The following PRR16 variants were observed in gnomAD, a reference collection of about 807,000 sequenced individuals.
The protein encoded by PRR16 is proline rich 16.
In PRR16, 6 loss-of-function variants were observed where a neutral mutation model predicts 18.2. The observed-to-expected ratio is 0.33, with a 90% confidence interval of 0.18 to 0.65. The LOEUF is 0.65. PRR16 is among the 30% of genes least tolerant of loss of function. The pLI is 0.74. For missense variants in PRR16, 412 were observed against 376.6 expected (o/e 1.09, Z -0.78); for synonymous variants, 151 against 147.8 (o/e 1.02, Z -0.16).
chr5:120,696,574 G>A, the PRR16 span, among the ~76,000 whole-genome samples: 1 of 152,180 alleles, frequency 6.6e-6, no homozygotes, highest in Non-Finnish European at 1.5e-5. Flanking sequence ...CACATGCACA[G>A]AAATGTAAGT....
At chr5:120,641,438 G>A (rs1755419630) in intron 1 of PRR16, among the ~76,000 whole-genome samples, 1 of 151,996 alleles carries the variant, frequency 6.6e-6, no homozygotes, top group South Asian at 2.1e-4. Context: ...CATAGGAAAG[G>A]GAAGAAAATA....
intron 1 of PRR16, among the ~76,000 whole-genome samples, chr5:120,593,304 A>G (rs1424545146): frequency 6.6e-6 from 1 of 152,026 alleles, no homozygotes; most frequent in East Asian, 1.9e-4. Flanking sequence ...CACAATTACA[A>G]ATGGCAAAGG....
the PRR16 span, among the ~76,000 whole-genome samples, chr5:120,794,154 C>G: frequency 6.6e-6 from 1 of 152,060 alleles, no homozygotes; most frequent in Non-Finnish European, 1.5e-5. Context: ...TTTACTTGCA[C>G]TGCCAAAACA....
At chr5:120,704,429 T>A in the PRR16 span, among the ~76,000 whole-genome samples, 2 of 152,154 alleles carry the variant, frequency 1.3e-5, no homozygotes, top group Non-Finnish European at 2.9e-5. Flanking sequence ...TTTTGTACTA[T>A]TTGCACCAAA....
intron 1 of PRR16, among the ~76,000 whole-genome samples, chr5:120,537,560 CG>C (rs1246358164): frequency 1.8e-5 from 2 of 110,322 alleles, no homozygotes; most frequent in East Asian, 6.5e-4. Flanking sequence ...AAGCTTCCCC[CG>C]CCCCCGACCC....
At chr5:120,644,693 T>G (rs746730062) in intron 1 of PRR16, among the ~76,000 whole-genome samples, 5 of 152,156 alleles carry the variant, frequency 3.3e-5, no homozygotes, top group Non-Finnish European at 5.9e-5. Context: ...GTCATGATTC[T>G]TCATTTGACA....
chr5:120,758,686 T>G, the PRR16 span, among the ~76,000 whole-genome samples: 1 of 152,052 alleles, frequency 6.6e-6, no homozygotes, highest in African/African-American at 2.4e-5. Context: ...AGACGTGCCT[T>G]GCTTCCCCTT....
intron 1 of PRR16, among the ~76,000 whole-genome samples, chr5:120,590,867 T>C (rs1481105826): frequency 6.6e-6 from 1 of 152,204 alleles, no homozygotes; most frequent in Non-Finnish European, 1.5e-5. Context: ...TTACTCATAA[T>C]TGTTCACCAC....
the PRR16 span, among the ~76,000 whole-genome samples, chr5:120,709,986 T>C: frequency 1.3e-5 from 2 of 152,202 alleles, no homozygotes; most frequent in African/African-American, 4.8e-5. Context: ...TTTGGATATA[T>C]AACCACCAGT....
intron 1 of PRR16, among the ~76,000 whole-genome samples, chr5:120,589,996 A>T (rs747879451): frequency 6.6e-6 from 1 of 152,106 alleles, no homozygotes. Flanking sequence ...TCCCTACTCA[A>T]AAGATTTCTA....
intron 1 of PRR16, among the ~76,000 whole-genome samples, chr5:120,548,067 A>T (rs538794240): frequency 7.9e-5 from 12 of 152,196 alleles, no homozygotes; most frequent in Admixed American, 5.9e-4. Flanking sequence ...CTAAAGAGAT[A>T]CTGAGGACAG....
the PRR16 span, among the ~76,000 whole-genome samples, chr5:120,696,427 CAT>C: frequency 7.2e-5 from 11 of 152,226 alleles, no homozygotes; most frequent in African/African-American, 2.2e-4. Flanking sequence ...TAACAAGAAA[CAT>C]ATAGTTTCTT....
At chr5:120,495,495 T>A (rs73264171) in intron 1 of PRR16, among the ~76,000 whole-genome samples, 2,021 of 152,234 alleles carry the variant, frequency 0.013, 17 homozygotes, top group Middle Eastern at 0.11. Context: ...ACAATATCAC[T>A]TCATTCATGT....
Position 120,464,601 on chromosome 5 carries a change from T to A in PRR16, c.115T>A (p.Leu39Ile). 1.3e-6 allele frequency: 2 copies of A among 1,580,368 alleles called. No individual in the cohort carries two copies. Among genetic ancestry groups the A allele is most frequent in the Non-Finnish European group, 1.7e-6 (2 of 1,171,294 alleles). ...CAAGATCATCGTGGAGGATTTGGAA[T>A]TAGTCCTGGGCGACCTGAAGGACGT... ...QIKIIVEDLE[L>I]VLGDLKDVAK... Residue 39 changes from leucine to isoleucine, a missense_variant, in exon 1 of 2, where the codon TTA (leucine) becomes ATA (isoleucine). Transcript: ENST00000407149.
the PRR16 span, among the ~76,000 whole-genome samples, chr5:120,770,081 T>A: frequency 3.9e-4 from 60 of 152,054 alleles, no homozygotes; most frequent in African/African-American, 1.4e-3. Flanking sequence ...TACATTTTTA[T>A]AAAGTAAAGA....
intron 1 of PRR16, among the ~76,000 whole-genome samples, chr5:120,585,388 T>TAA (rs1179207867): frequency 3.9e-5 from 6 of 152,032 alleles, no homozygotes; most frequent in Non-Finnish European, 8.8e-5. Context: ...GATGGGCAGG[T>TAA]CACTTGAGGT....
At chr5:120,585,497 G>A (rs1753410600) in intron 1 of PRR16, among the ~76,000 whole-genome samples, 1 of 151,832 alleles carries the variant, frequency 6.6e-6, no homozygotes, top group Non-Finnish European at 1.5e-5. Flanking sequence ...GCAAGTGCCT[G>A]TAATCCAGCT....
At chr5:120,679,005 T>C (rs1756891306) in intron 1 of PRR16, among the ~76,000 whole-genome samples, 1 of 152,174 alleles carries the variant, frequency 6.6e-6, no homozygotes, top group African/African-American at 2.4e-5. Context: ...AATATTGAGA[T>C]TGAAATATTG....
chr5:120,525,735 T>A, intron 1 of PRR16, among the ~76,000 whole-genome samples: 1 of 151,810 alleles, frequency 6.6e-6, no homozygotes, highest in East Asian at 1.9e-4. Context: ...ATGAAACAGG[T>A]AAAGAACATG....
Sources: gnomAD v4.1 joint callset for allele counts (sites outside exome capture counted in the v4.1 genomes callset) on GRCh38, gnomAD v4.1.1 for gene constraint, MANE v1.5 for transcripts, NCBI Gene and HGNC (gene_info 2026-07-23, HGNC 2026-07-21) for gene names.